WDR72: variants seen among roughly 807,000 people sequenced by gnomAD.
WDR72 encodes WD repeat-containing protein 72.
WDR72 carries 120 observed loss-of-function variants against 124.2 expected under a neutral mutation model. The observed-to-expected ratio is 0.97, with a 90% confidence interval of 0.83 to 1.12. The LOEUF is 1.12. Ranked by LOEUF, WDR72 falls within the 50% of genes most tolerant of loss-of-function variation. The pLI is 0.00. For synonymous variants in WDR72, 452 were observed against 441.7 expected, an observed-to-expected ratio of 1.02 and a Z score of -0.29; for missense variants, 1,387 against 1,278.8, an observed-to-expected ratio of 1.08 and a Z score of -1.29.
intron 13 of WDR72, among the ~76,000 whole-genome samples, chr15:53,672,299 A>G (rs896381502): frequency 8.0e-6 from 1 of 124,940 alleles, no homozygotes; most frequent in Non-Finnish European, 1.6e-5. Context: ...ATAGGTGAGG[A>G]TTAAATGCCG....
chr15:53,571,753 C>T (rs1280139426), intron 18 of WDR72, among the ~76,000 whole-genome samples: 1 of 139,150 alleles, frequency 7.2e-6, no homozygotes, highest in African/African-American at 2.7e-5. Context: ...GCTGAATCAA[C>T]AGCAGTTCTA....
intron 16 of WDR72, among the ~76,000 whole-genome samples, chr15:53,612,650 G>A (rs1319818416): frequency 1.3e-5 from 2 of 152,068 alleles, no homozygotes; most frequent in Non-Finnish European, 2.9e-5. Flanking sequence ...TATATGTGAT[G>A]ACATAGGTAG....
chr15:53,533,201 G>A (rs574208867), intron 18 of WDR72, among the ~76,000 whole-genome samples: 1 of 152,106 alleles, frequency 6.6e-6, no homozygotes, highest in Non-Finnish European at 1.5e-5. Context: ...CCATCCAAAG[G>A]TCTGGGAGGA....
intron 14 of WDR72, among the ~76,000 whole-genome samples, chr15:53,639,525 T>C (rs2014760631): frequency 6.8e-6 from 1 of 146,534 alleles, no homozygotes; most frequent in Non-Finnish European, 1.5e-5. Flanking sequence ...ATTTTATTTA[T>C]TTATAAAATT....
At chr15:53,711,595 C>T in intron 7 of WDR72, 114 bp from the exon 8 acceptor site, 3 of 1,072,490 alleles carry the variant, frequency 2.8e-6, no homozygotes, top group South Asian at 2.7e-5. Flanking sequence ...AATAACAGAC[C>T]ATACTGTACT....
At chr15:53,575,615 G>T (rs564623595) in intron 18 of WDR72, among the ~76,000 whole-genome samples, 82 of 152,128 alleles carry the variant, frequency 5.4e-4, no homozygotes, top group Non-Finnish European at 6.5e-4. Flanking sequence ...AAGGGAAACT[G>T]AACTCAGTTT....
intron 18 of WDR72, among the ~76,000 whole-genome samples, chr15:53,534,730 C>T (rs1423597458): frequency 6.6e-6 from 1 of 152,028 alleles, no homozygotes; most frequent in Non-Finnish European, 1.5e-5. Context: ...ACGTAAAGTA[C>T]TCAAAAGCTG....
At chr15:53,727,779 T>G (rs929338332) in intron 2 of WDR72, among the ~76,000 whole-genome samples, 5 of 152,210 alleles carry the variant, frequency 3.3e-5, no homozygotes, top group African/African-American at 1.2e-4. Flanking sequence ...CTCATTCTAT[T>G]ACTAAATCCC....
chr15:53,718,770 G>GAATTTTAAAAATCTTAAGATTTTTAAA (rs1286275715), intron 3 of WDR72, among the ~76,000 whole-genome samples: 49 of 137,216 alleles, frequency 3.6e-4, no homozygotes, highest in African/African-American at 1.7e-3. Flanking sequence ...TAAATTTTAA[G>GAATTTTAAAAATCTTAAGATTTTTAAA]AATTTTAAAA....
chr15:53,515,132 A>ATGAT lies in WDR72; in HGVS notation c.*2563_*2566dup, dbSNP rs1380144779. On this transcript the variant is annotated 3_prime_UTR_variant, in exon 20 of 20. Transcript: ENST00000360509. ...AAATACATTCATAAATATCACCAAGATGATTACCAAAAAAGAAACACAAGA... is the reference window on the plus strand; with the variant it reads ...AAATACATTCATAAATATCACCAAGATGATTGATTACCAAAAAAGAAACACAAGA... 6 of 95,016 alleles carry ATGAT rather than the reference A, an allele frequency of 6.3e-5. No individual in the cohort carries two copies. Among genetic ancestry groups the ATGAT allele is most frequent in the Non-Finnish European group, 1.2e-4 (5 of 41,138 alleles). The allele number at this position is 95,016 out of a possible 1,614,324, so 5.9% of individuals were successfully genotyped here.
intron 18 of WDR72, among the ~76,000 whole-genome samples, chr15:53,555,869 ATTAATT>A (rs745818166): frequency 3.9e-5 from 6 of 152,136 alleles, no homozygotes; most frequent in Non-Finnish European, 8.8e-5. Context: ...AGAAAGGGCT[ATTAATT>A]TTATTTTACA....
chr15:53,659,171 T>G (rs552180108), intron 14 of WDR72, among the ~76,000 whole-genome samples: 6,582 of 152,300 alleles, frequency 0.043, 219 homozygotes, highest in Admixed American at 0.08. Flanking sequence ...CATTCACACA[T>G]TAAGTAAGCT....
At chr15:53,654,223 G>A (rs1441213011) in intron 14 of WDR72, among the ~76,000 whole-genome samples, 1 of 152,160 alleles carries the variant, frequency 6.6e-6, no homozygotes. Context: ...GTAACCACAA[G>A]AGGGCTGCAA....
chr15:53,549,182 A>T (rs1412449105), intron 18 of WDR72, among the ~76,000 whole-genome samples: 1 of 152,220 alleles, frequency 6.6e-6, no homozygotes, highest in Non-Finnish European at 1.5e-5. Context: ...AAACAACAAT[A>T]AAAGATAGGC....
At chr15:53,673,067 G>A (rs1220210103) in intron 13 of WDR72, among the ~76,000 whole-genome samples, 1 of 152,054 alleles carries the variant, frequency 6.6e-6, no homozygotes, top group Non-Finnish European at 1.5e-5. Flanking sequence ...GCTGTAGTGA[G>A]ACATGATCAT....
chr15:53,589,767 A>T (rs1207882971), intron 18 of WDR72, among the ~76,000 whole-genome samples: 1 of 152,078 alleles, frequency 6.6e-6, no homozygotes, highest in Non-Finnish European at 1.5e-5. Context: ...TGAGGAAAAA[A>T]GATGATGAAA....
chr15:53,607,203 C>T (rs894190101), intron 17 of WDR72, among the ~76,000 whole-genome samples: 4 of 151,938 alleles, frequency 2.6e-5, no homozygotes, highest in Admixed American at 1.3e-4. Context: ...TTAAATTGGA[C>T]ATTGAAGAAC....
At chr15:53,697,011 T>C (rs1318381551) in intron 13 of WDR72, among the ~76,000 whole-genome samples, 2 of 152,216 alleles carry the variant, frequency 1.3e-5, no homozygotes, top group Non-Finnish European at 2.9e-5. Context: ...TCATCACCAA[T>C]TATAAGCTCA....
chr15:53,717,042 C>T (rs1242328667), intron 3 of WDR72, among the ~76,000 whole-genome samples: 3 of 152,088 alleles, frequency 2.0e-5, no homozygotes, highest in African/African-American at 7.2e-5. Flanking sequence ...ACTACATATT[C>T]TGAAAATCAC....
Sources: gnomAD v4.1 joint callset for allele counts (sites outside exome capture counted in the v4.1 genomes callset) on GRCh38, gnomAD v4.1.1 for gene constraint, MANE v1.5 for transcripts, NCBI Gene and HGNC (gene_info 2026-07-23, HGNC 2026-07-21) for gene names.